FLVCR2: variants seen among roughly 807,000 people sequenced by gnomAD.
The protein encoded by FLVCR2 is FLVCR choline and putative heme transporter 2, also known as choline/ethanolamine transporter FLVCR2.
A neutral mutation model predicts 48.9 loss-of-function variants in FLVCR2; 38 were observed. The observed-to-expected ratio is 0.78, with a 90% CI of 0.60 to 1.02. The LOEUF is 1.02. FLVCR2 is among the 50% of genes least tolerant of loss of function. The pLI is 0.00. For synonymous variants in FLVCR2, 255 were observed against 257.0 expected (o/e 0.99, Z 0.07); for missense variants, 664 against 663.3 (o/e 1.00, Z -0.01).
At chr14:75,589,821 C>A (rs1484118001) in intron 1 of FLVCR2, among the ~76,000 whole-genome samples, 1 of 152,184 alleles carries the variant, frequency 6.6e-6, no homozygotes, top group African/African-American at 2.4e-5. Context: ...AGAAGCAGAT[C>A]AAGCCACACC....
intron 5 of FLVCR2, among the ~76,000 whole-genome samples, chr14:75,636,622 C>T (rs1265133556): frequency 6.6e-6 from 1 of 152,168 alleles, no homozygotes; most frequent in Non-Finnish European, 1.5e-5. Flanking sequence ...TCACCAGTTC[C>T]TAGCATCACG....
chr14:75,615,184 G>A (rs975402971), intron 1 of FLVCR2, among the ~76,000 whole-genome samples: 5 of 152,238 alleles, frequency 3.3e-5, no homozygotes, highest in Admixed American at 2.0e-4. Flanking sequence ...GGGCAGAGGA[G>A]AGATCACAGT....
chr14:75,595,692 T>C, intron 1 of FLVCR2: 1 of 601,612 alleles, frequency 1.7e-6, no homozygotes, highest in Admixed American at 3.0e-5. Context: ...CTTGCTCACA[T>C]GACTGTCTAC....
intron 1 of FLVCR2, among the ~76,000 whole-genome samples, chr14:75,613,229 T>C (rs1594802775): frequency 6.6e-6 from 1 of 152,190 alleles, no homozygotes; most frequent in Non-Finnish European, 1.5e-5. Context: ...CTCATGGTTC[T>C]GCAGGCTGTA....
intron 9 of FLVCR2, among the ~76,000 whole-genome samples, chr14:75,645,227 G>A (rs185910872): frequency 1.3e-5 from 2 of 152,290 alleles, no homozygotes; most frequent in East Asian, 3.9e-4. Context: ...ACCACAAACA[G>A]GCACTGAGAC....
intron 9 of FLVCR2, among the ~76,000 whole-genome samples, chr14:75,645,550 T>C (rs963066705): frequency 1.3e-5 from 2 of 152,164 alleles, no homozygotes; most frequent in African/African-American, 4.8e-5. Context: ...ATCCCTCCCC[T>C]AGAAAGCTAA....
In FLVCR2 at chr14:75,641,899, G is replaced by C; in HGVS notation, c.1509+1G>C. 1 of 1,613,820 alleles carries C rather than the reference G, an allele frequency of 6.2e-7. No homozygotes were observed. The highest frequency in any genetic ancestry group is 8.5e-7 in the Non-Finnish European group (1 of 1,179,688). On this transcript the variant is annotated splice_donor_variant, in intron 9 of 9. Transcript: ENST00000238667. LOFTEE classifies it high-confidence loss of function. The stretch of plus-strand genomic sequence containing the variant: ...AGCAAACAAAGAAACTCTTGAGAAC[G>C]TGAGTATATGGGAGCTTTGTGGGGC...
At chr14:75,630,545 C>T (rs918172337) in intron 3 of FLVCR2, among the ~76,000 whole-genome samples, 3 of 152,026 alleles carry the variant, frequency 2.0e-5, no homozygotes, top group Admixed American at 6.6e-5. Flanking sequence ...CAGTAGTCAC[C>T]GGAACACAGT....
At chr14:75,630,360 A>T (rs1272650584) in intron 3 of FLVCR2, among the ~76,000 whole-genome samples, 1 of 152,060 alleles carries the variant, frequency 6.6e-6, no homozygotes, top group Non-Finnish European at 1.5e-5. Flanking sequence ...GATCTTTTGT[A>T]TCTTGAAGGC....
chr14:75,633,696 G>A lies in FLVCR2; in HGVS notation c.1020G>A (p.Pro340=), dbSNP rs756480123. The A allele has an allele frequency of 1.3e-5, 21 of 1,610,772 alleles. No individual in the cohort carries two copies. Among genetic ancestry groups the A allele is most frequent in the East Asian group, 2.2e-5 (1 of 44,884 alleles). Residue 340 remains proline, a splice_region_variant and synonymous_variant, in exon 4 of 10, where the codon CCG becomes CCA. Transcript: ENST00000238667. ...ATCGCATGGTGATCTGGCACTACCC[G>A]GTAAGGGAGTTCCCTAAGCATGTTG... ...LLNRMVIWHY[P]GEEVNAGRIG...
intron 2 of FLVCR2, 57 bp from the exon 3 acceptor site, chr14:75,624,555 G>A: frequency 6.2e-7 from 1 of 1,608,574 alleles, no homozygotes; most frequent in Non-Finnish European, 8.5e-7. Context: ...TGTGGAACCA[G>A]CTCTTCTGGG....
In FLVCR2 at chr14:75,579,056, G is replaced by C; in HGVS notation, c.84G>C (p.Ser28=). Residue 28 remains serine, a synonymous_variant, in exon 1 of 10, where the codon TCG becomes TCC. Coordinates refer to ENST00000238667, the MANE Select transcript of FLVCR2 (RefSeq NM_017791.3). The part of the protein sequence containing the change: ...ESALQADPSV[S]VHPSVSVHPS... ...CACTCCAAGCGGACCCCAGCGTCTC[G>C]GTCCATCCCAGCGTCTCGGTCCATC... 8 of 1,601,168 alleles carry C rather than the reference G, an allele frequency of 5.0e-6. No individual in the cohort carries two copies. Among genetic ancestry groups the C allele is most frequent in the Non-Finnish European group, 6.0e-6 (7 of 1,171,504 alleles).
At chr14:75,621,926 C>A (rs1248165093) in intron 1 of FLVCR2, 153 bp from the exon 2 acceptor site, 64 of 846,942 alleles carry the variant, frequency 7.6e-5, no homozygotes, top group Non-Finnish European at 3.0e-5. Context: ...AGAAAGATTT[C>A]TCTGGTGTTT....
At chr14:75,612,379 C>T (rs1048611946) in intron 1 of FLVCR2, among the ~76,000 whole-genome samples, 3 of 152,090 alleles carry the variant, frequency 2.0e-5, no homozygotes, top group East Asian at 1.9e-4. Context: ...GTGACGGGGG[C>T]GGGAGCTTGA....
chr14:75,605,593 C>A (rs1889270578), intron 1 of FLVCR2: 1 of 1,536,100 alleles, frequency 6.5e-7, no homozygotes, highest in Non-Finnish European at 8.7e-7. Flanking sequence ...AACAGCAGCA[C>A]CATCTGTGTT....
At chr14:75,630,123 AC>A (rs1364349344) in intron 3 of FLVCR2, among the ~76,000 whole-genome samples, 1 of 152,108 alleles carries the variant, frequency 6.6e-6, no homozygotes, top group East Asian at 1.9e-4. Context: ...TGAGGATAGG[AC>A]CCCCTGGGGT....
intron 3 of FLVCR2, among the ~76,000 whole-genome samples, chr14:75,630,288 G>A (rs72723673): frequency 6.6e-6 from 1 of 152,084 alleles, no homozygotes; most frequent in Non-Finnish European, 1.5e-5. Flanking sequence ...GTCTTGAAGC[G>A]CCTTCCCATC....
intron 3 of FLVCR2, chr14:75,631,915 G>A: frequency 2.2e-6 from 1 of 450,700 alleles, no homozygotes; most frequent in Non-Finnish European, 4.5e-6. Context: ...CCTGTCAGTT[G>A]TAGTGATGTT....
In FLVCR2 at chr14:75,635,081, G is replaced by T. The variant is rs936510865; in HGVS notation, c.1124+68G>T. ...TTTTGAAATGACATATTCATAAGCAGTGTGACTCCAAGTCATTGTTTGGAG... is the reference window on the plus strand; with the variant it reads ...TTTTGAAATGACATATTCATAAGCATTGTGACTCCAAGTCATTGTTTGGAG... On this transcript the variant is annotated intron_variant, in intron 5 of 9. Coordinates refer to ENST00000238667, the MANE Select transcript of FLVCR2 (RefSeq NM_017791.3). 3.9e-6 allele frequency: 4 copies of T among 1,028,236 alleles called. No homozygotes were observed. The East Asian group carries it at 7.2e-5, about 19-fold the overall frequency. 63.7% of individuals were successfully genotyped at this position (1,028,236 alleles called of 1,614,324 possible).
Sources: gnomAD v4.1 joint callset for allele counts (sites outside exome capture counted in the v4.1 genomes callset) on GRCh38, gnomAD v4.1.1 for gene constraint, MANE v1.5 for transcripts, NCBI Gene and HGNC (gene_info 2026-07-23, HGNC 2026-07-21) for gene names.